Variants in USP36 observed in about 807,000 individuals in gnomAD.
USP36 encodes the protein ubiquitin carboxyl-terminal hydrolase 36.
Under a neutral mutation model 111.5 loss-of-function variants are expected in USP36, and 59 were observed. The observed-to-expected ratio is 0.53, with a 90% CI of 0.43 to 0.66. The LOEUF (loss-of-function observed/expected upper bound fraction) is 0.66, where lower values mean the gene tolerates loss of function less well. USP36 is among the 30% of genes least tolerant of loss of function. The pLI is 0.00. For synonymous variants in USP36, 628 were observed against 581.0 expected (o/e 1.08, Z -1.16); for missense variants, 1,488 against 1,468.0 (o/e 1.01, Z -0.22).
chr17:78,815,458 G>C (rs529255484), intron 10 of USP36, among the ~76,000 whole-genome samples: 3 of 152,304 alleles, frequency 2.0e-5, no homozygotes, highest in Admixed American at 6.5e-5. Context: ...TCTTTGTCAA[G>C]CATCTCCATT....
At position 78,834,644 on chromosome 17, in the gene USP36, T is replaced by C. The variant is rs551797241; in HGVS notation, c.475+636A>G. On this transcript the variant is annotated intron_variant, in intron 4 of 20. Transcript: ENST00000449938. ...TTTTAGTAGAAACCGGGTTTCGCCA[T>C]GTTGGCCAGGCTGGTCTCCAACTCC... Among the ~76,000 whole-genome samples, 16 of 152,212 alleles carry C rather than the reference T, an allele frequency of 1.1e-4. No homozygotes were observed. In the South Asian group the frequency reaches 1.9e-3, roughly 18 times the overall value.
Position 78,798,529 on chromosome 17 carries a change from T to C in USP36, c.3263A>G (p.Lys1088Arg), listed in dbSNP as rs1316498413. ...GTTGAAGTTTCTCCTCTTCTCTCTC[T>C]TAAATTTTTTAATTTTCTTTTCCTA... ...RGKEKKIKKF[K>R]REKRRNFNAF... The change falls in exon 20 of 21, where the codon AAG (lysine) becomes AGG (arginine). Residue 1088 changes from lysine (K) to arginine (R), a missense_variant. Physicochemically the swap from Lys to Arg is conservative, Grantham distance 26 (BLOSUM62 2). Coordinates refer to ENST00000449938, the MANE Select transcript of USP36 (RefSeq NM_001385174.1). This position sits in a 1 kb window ranked among gnomAD's most constrained non-coding sequence, Gnocchi z 5.1. The C allele has an allele frequency of 6.2e-7, 1 of 1,614,002 alleles. No individual in the cohort carries two copies.
At chr17:78,806,379 A>T (rs2093901869) in intron 14 of USP36, 93 bp from the exon 15 acceptor site, 1 of 1,548,408 alleles carries the variant, frequency 6.5e-7, no homozygotes, top group East Asian at 2.3e-5. Flanking sequence ...ATGAAAATAA[A>T]AACAAAAGAG....
chr17:78,827,058 G>A, intron 6 of USP36, 187 bp downstream of exon 6: 1 of 733,334 alleles, frequency 1.4e-6, no homozygotes, highest in Non-Finnish European at 2.4e-6. Flanking sequence ...CCCTTTCCCA[G>A]GAAGCAAGGG....
Position 78,827,355 on chromosome 17 carries a change from AG to A in USP36, c.587-9del. 1.2e-6 allele frequency: 2 copies of A among 1,605,384 alleles called. No homozygotes were observed. Among genetic ancestry groups the A allele is most frequent in the Non-Finnish European group, 1.7e-6 (2 of 1,174,030 alleles). On this transcript the variant is annotated splice_polypyrimidine_tract_variant and intron_variant, in intron 5 of 20. Transcript: ENST00000449938. ...GGAAGTGTCGGGCGATCTCTAAAAG[AG>A]GAAGAAACAGGGAGGGAAGAGCTCG... is the stretch of plus-strand genomic sequence containing the variant.
chr17:78,833,154 A>C (rs2145611558), intron 4 of USP36, among the ~76,000 whole-genome samples: 1 of 152,210 alleles, frequency 6.6e-6, no homozygotes, highest in Non-Finnish European at 1.5e-5. Context: ...TCTCCAAAAA[A>C]CGCCCCCAAA....
chr17:78,815,882 C>T (rs756810801), intron 10 of USP36, among the ~76,000 whole-genome samples: 1 of 152,000 alleles, frequency 6.6e-6, no homozygotes, highest in Non-Finnish European at 1.5e-5. Flanking sequence ...CATATACATA[C>T]ATGCACAACA....
chr17:78,821,238 G>A (rs368894252), intron 7 of USP36, 177 bp from the exon 8 acceptor site: 37 of 596,544 alleles, frequency 6.2e-5, no homozygotes, highest in South Asian at 9.9e-5. Context: ...CACCACTGAA[G>A]TTCACAAAGA....
chr17:78,819,567 C>T (rs1224271984), intron 9 of USP36, among the ~76,000 whole-genome samples: 1 of 152,248 alleles, frequency 6.6e-6, no homozygotes, highest in Non-Finnish European at 1.5e-5. Context: ...CCGGTGCCAG[C>T]CAGTGTGAAC....
Position 78,835,497 on chromosome 17 carries a change from A to G in USP36, c.258T>C (p.Ser86=), listed in dbSNP as rs749494025. ...CACCACAGCTCTCATACGTGTGCTC[A>G]CTGCCTGAGGAAGAAAGGGACAAGG... The part of the protein sequence containing the change: ...GDDPPARRQG[S]EHTYESCGDG... Residue 86 remains serine, a synonymous_variant, in exon 4 of 21, where the codon AGT becomes AGC. Coordinates refer to ENST00000449938, the MANE Select transcript of USP36 (RefSeq NM_001385174.1). 1 of 1,598,090 alleles carries G rather than the reference A, an allele frequency of 6.3e-7. No individual in the cohort carries two copies. The highest frequency in any genetic ancestry group is 8.5e-7 in the Non-Finnish European group (1 of 1,171,720).
chr17:78,833,064 C>T (rs1351725987), intron 4 of USP36, among the ~76,000 whole-genome samples: 2 of 151,902 alleles, frequency 1.3e-5, no homozygotes, highest in Non-Finnish European at 1.5e-5. Context: ...AGGAGACTCT[C>T]TTGAACACAG....
At chr17:78,821,388 ATATATATAT>A (rs1567952253) in intron 7 of USP36, 33 of 24,008 alleles carry the variant, frequency 1.4e-3, no homozygotes, top group African/African-American at 5.3e-3. Context: ...CCTAATGAGA[ATATATATAT>A]ATATATATAT....
Position 78,789,509 on chromosome 17 carries a change from G to C in USP36, c.*21-1851C>G, listed in dbSNP as rs1598945991. 8.5e-5 allele frequency among the ~76,000 whole-genome samples: 13 copies of C among 152,306 alleles called. 3 individuals are homozygous for C. Among genetic ancestry groups the C allele is most frequent in the Admixed American group, 8.5e-4 (13 of 15,300 alleles). ...TTTGCAGCATAGACCTTGCAGAGAG[G>C]GTGGAGCCTGGTGAAGAAGGGGTGT... is the stretch of plus-strand genomic sequence containing the variant. On this transcript the variant is annotated intron_variant, in intron 3 of 3. Coordinates refer to the USP36 transcript ENST00000588130.
chr17:78,837,160 A>C (rs2068762333), intron 2 of USP36, among the ~76,000 whole-genome samples: 1 of 152,190 alleles, frequency 6.6e-6, no homozygotes, highest in African/African-American at 2.4e-5. Flanking sequence ...GGCTACTATA[A>C]AATTTTAAAT....
intron 18 of USP36, 135 bp from the exon 19 acceptor site, chr17:78,799,158 A>G (rs1352081503): frequency 4.6e-6 from 4 of 871,790 alleles, no homozygotes; most frequent in African/African-American, 1.6e-5. Flanking sequence ...TGGTGAAGAG[A>G]AGGACAAGAG....
At chr17:78,789,559 C>T (rs750829364) in intron 3 of USP36, among the ~76,000 whole-genome samples, 5 of 152,210 alleles carry the variant, frequency 3.3e-5, no homozygotes, top group Non-Finnish European at 5.9e-5. Flanking sequence ...GGCTGCAAAG[C>T]GAACTGCTCA....
chr17:78,801,710 G>C (rs1438560204), intron 17 of USP36, among the ~76,000 whole-genome samples: 3 of 152,080 alleles, frequency 2.0e-5, no homozygotes, highest in African/African-American at 7.3e-5. Context: ...AGGGAGAGGA[G>C]GATTCACTTT....
chr17:78,821,092 G>A, intron 7 of USP36, 31 bp from the exon 8 acceptor site: 1 of 1,574,722 alleles, frequency 6.4e-7, no homozygotes, highest in Non-Finnish European at 8.6e-7. Context: ...TGGAGCAGGT[G>A]GGGCCTGGCA....
chr17:78,792,865 C>T (rs1465769791), downstream of USP36, among the ~76,000 whole-genome samples: 1 of 152,094 alleles, frequency 6.6e-6, no homozygotes, highest in African/African-American at 2.4e-5. Flanking sequence ...ATTACAGGCA[C>T]AGGCCAAGCC....
Sources: allele counts gnomAD v4.1 joint callset (sites outside exome capture counted in the v4.1 genomes callset), GRCh38; gene constraint gnomAD v4.1.1; non-coding constraint Gnocchi (gnomAD v3.1); transcripts MANE v1.5; gene names NCBI Gene and HGNC (gene_info 2026-07-23, HGNC 2026-07-21).